The following TRMO variants were observed in gnomAD, a reference collection of about 807,000 sequenced individuals.
TRMO encodes the protein tRNA methyltransferase O, also known as tRNA (adenine(37)-N6)-methyltransferase.
Under a neutral mutation model 37.2 loss-of-function variants are expected in TRMO, and 30 were observed. The ratio of observed to expected loss-of-function variants is 0.81; its 90% confidence interval spans 0.60 to 1.09. The LOEUF (loss-of-function observed/expected upper bound fraction) is 1.09, where lower values mean the gene tolerates loss of function less well. Among genes scored for constraint, TRMO ranks in the 50% least tolerant of loss-of-function variants. The pLI, the probability that TRMO is intolerant of heterozygous loss-of-function variation, is 0.00. For synonymous variants in TRMO, 239 were observed against 199.4 expected, an observed-to-expected ratio of 1.20 and a Z score of -1.67; for missense variants, 552 against 549.5, an observed-to-expected ratio of 1.00 and a Z score of -0.05.
downstream of TRMO, among the ~76,000 whole-genome samples, chr9:97,899,820 G>C (rs1831127177): frequency 6.6e-6 from 1 of 152,102 alleles, no homozygotes; most frequent in Admixed American, 6.6e-5. Context: ...TTTGAGCCCA[G>C]GGGCAGAAGT....
At chr9:97,896,873 T>TC in the TRMO span, among the ~76,000 whole-genome samples, 7 of 152,364 alleles carry the variant, frequency 4.6e-5, no homozygotes, top group East Asian at 1.3e-3. Context: ...CTAGACATTT[T>TC]ACTTTCCTCA....
At chr9:97,920,425 G>C (rs532520722) in intron 1 of TRMO, among the ~76,000 whole-genome samples, 12 of 152,194 alleles carry the variant, frequency 7.9e-5, no homozygotes, top group Non-Finnish European at 1.5e-4. Flanking sequence ...CACTACACTA[G>C]CTGTGTGACC....
At chr9:97,921,484 C>T (rs903943034) in intron 1 of TRMO, among the ~76,000 whole-genome samples, 2 of 148,538 alleles carry the variant, frequency 1.3e-5, no homozygotes, top group Non-Finnish European at 3.0e-5. Flanking sequence ...AGTGCAGTGG[C>T]GCGATCTCGG....
At chr9:97,921,737 T>C (rs1430800720) in intron 1 of TRMO, among the ~76,000 whole-genome samples, 3 of 152,182 alleles carry the variant, frequency 2.0e-5, no homozygotes, top group Non-Finnish European at 4.4e-5. Flanking sequence ...AGTGTTATAA[T>C]TAACATTAAC....
intron 1 of TRMO, among the ~76,000 whole-genome samples, chr9:97,917,331 T>A (rs1436076226): frequency 6.6e-6 from 1 of 152,176 alleles, no homozygotes; most frequent in Non-Finnish European, 1.5e-5. Context: ...AGTGCTAAAA[T>A]ATCTAGAGGC....
Position 97,904,736 on chromosome 9 carries a change from A to C in TRMO, c.1323T>G (p.Ser441=). The change falls in exon 5 of 5, where the codon TCT becomes TCG. Residue 441 remains serine, a synonymous_variant. Coordinates refer to ENST00000375119, the MANE Select transcript of TRMO (RefSeq NM_016481.5). The part of the protein sequence containing the change: ...GPVGSLVSLG[S] ...TTAAAGACATGAGGGAGGCTCCTTA[A>C]GACCCTAGAGACACCAAGGACCCCA... is the stretch of plus-strand genomic sequence containing the variant. 1 of 1,613,780 alleles carries C rather than the reference A, an allele frequency of 6.2e-7. No individual in the cohort carries two copies. Among genetic ancestry groups the C allele is most frequent in the Admixed American group, 1.7e-5 (1 of 59,886 alleles).
intron 4 of TRMO, among the ~76,000 whole-genome samples, chr9:97,907,743 C>G (rs1314953582): frequency 6.6e-6 from 1 of 152,106 alleles, no homozygotes; most frequent in Non-Finnish European, 1.5e-5. Flanking sequence ...CCTATAAAAC[C>G]CTTAGGTGAC....
In TRMO at chr9:97,913,456, G is replaced by C. The variant is rs1826219979; in HGVS notation, c.354C>G (p.Ser118Arg). ...GTCCTATTGCATTGGGACGATGAGGGCTCCTTGTGGAAAAAACTCCAGTCT... is the reference window on the plus strand; with the variant it reads ...GTCCTATTGCATTGGGACGATGAGGCCTCCTTGTGGAAAAAACTCCAGTCT... ...GAKTGVFSTR[S>R]PHRPNAIGLT... The change falls in exon 3 of 5, where the codon AGC (serine) becomes AGG (arginine). Residue 118 changes from serine to arginine, a missense_variant. Ser to Arg is a moderately radical substitution (Grantham distance 110). Transcript: ENST00000375119. The C allele has an allele frequency of 6.2e-7, 1 of 1,613,886 alleles. No homozygotes were observed. The highest frequency in any genetic ancestry group is 8.5e-7 in the Non-Finnish European group (1 of 1,179,878).
the TRMO span, among the ~76,000 whole-genome samples, chr9:97,899,384 A>G: frequency 6.6e-6 from 1 of 152,170 alleles, no homozygotes; most frequent in South Asian, 2.1e-4. Context: ...CCCTTAGCAA[A>G]ACATCATATT....
chr9:97,914,134 T>C (rs995027078), intron 2 of TRMO: 1 of 152,526 alleles, frequency 6.6e-6, no homozygotes, highest in African/African-American at 2.4e-5. Flanking sequence ...AGAAAACGTT[T>C]GCTACATACA....
At chr9:97,915,293 C>A (rs1055361158) in intron 2 of TRMO, among the ~76,000 whole-genome samples, 10 of 152,226 alleles carry the variant, frequency 6.6e-5, no homozygotes, top group African/African-American at 2.2e-4. Flanking sequence ...CTACATGAGT[C>A]TAGAGCAGGA....
chr9:97,913,003 G>A, intron 3 of TRMO: 4 of 1,051,968 alleles, frequency 3.8e-6, no homozygotes, highest in Non-Finnish European at 5.3e-6. Flanking sequence ...TATACCACCA[G>A]TCTATGTGTT....
rs759076626 is a variant in TRMO, at chr9:97,904,690, C to T, written c.*43G>A. ...TGTTCAGAAAATCCAAAAGCCACAT[C>T]CAAAGATCAATGATGCTACCTTAAA... On this transcript the variant is annotated 3_prime_UTR_variant, in exon 5 of 5. Transcript: ENST00000375119. The T allele has an allele frequency of 6.3e-7, 1 of 1,596,180 alleles. No homozygotes were observed. Among genetic ancestry groups the T allele is most frequent in the Admixed American group, 1.7e-5 (1 of 57,604 alleles).
In TRMO at chr9:97,910,211, C is replaced by T. The variant is rs766650376; in HGVS notation, c.815G>A (p.Gly272Asp). Reference sequence around the variant, plus strand: ...AAAGCTCTTCTCTGGGCAATATGGGCCAATTTGTTCTTCTGCCACGCTGGA... The same window carrying T: ...AAAGCTCTTCTCTGGGCAATATGGGTCAATTTGTTCTTCTGCCACGCTGGA... ...QSSSVAEEQI[G>D]PYCPEKSFSE... The change falls in exon 4 of 5, where the codon GGC (glycine) becomes GAC (aspartate). Residue 272 changes from glycine to aspartate, a missense_variant. Physicochemically the swap from Gly to Asp is moderately conservative, Grantham distance 94. Coordinates refer to ENST00000375119, the MANE Select transcript of TRMO (RefSeq NM_016481.5). The T allele has an allele frequency of 4.3e-6, 7 of 1,614,102 alleles. No homozygotes were observed. Among genetic ancestry groups the T allele is most frequent in the Non-Finnish European group, 5.9e-6 (7 of 1,180,048 alleles).
At chr9:97,921,468 G>T (rs1826628769) in intron 1 of TRMO, among the ~76,000 whole-genome samples, 1 of 148,540 alleles carries the variant, frequency 6.7e-6, no homozygotes. Flanking sequence ...CTGTCGCCCA[G>T]GCCGGAGTGC....
chr9:97,909,551 C>T (rs1421005086), intron 4 of TRMO, among the ~76,000 whole-genome samples: 1 of 152,146 alleles, frequency 6.6e-6, no homozygotes. Flanking sequence ...GACTACCTGA[C>T]AGTCAGAATA....
At chr9:97,913,056 G>C (rs973353370) in intron 3 of TRMO, 1 of 606,220 alleles carries the variant, frequency 1.6e-6, no homozygotes, top group African/African-American at 1.9e-5. Flanking sequence ...TGTTAAATTG[G>C]AAAGTGTCCA....
chr9:97,908,197 G>C (rs2131519027), intron 4 of TRMO, among the ~76,000 whole-genome samples: 1 of 152,248 alleles, frequency 6.6e-6, no homozygotes, highest in Non-Finnish European at 1.5e-5. Flanking sequence ...GGAATCACAA[G>C]GTCAGGAGAT....
chr9:97,910,562 T>C lies in TRMO; in HGVS notation c.464A>G (p.Asp155Gly), dbSNP rs778934572. 4.2e-5 allele frequency: 68 copies of C among 1,614,006 alleles called. No homozygotes were observed. The Admixed American group carries it at 1.1e-3, about 27-fold the overall frequency. The change falls in exon 4 of 5, where the codon GAC becomes GGC. Residue 155 changes from aspartate to glycine, a missense_variant. By Grantham distance (94) the Asp-to-Gly change is moderately conservative (BLOSUM62 -1). Coordinates refer to ENST00000375119, the MANE Select transcript of TRMO (RefSeq NM_016481.5). ...IDMIHGTPVLDIKPYIAEYDS... is the reference protein window; with the variant it reads ...IDMIHGTPVLGIKPYIAEYDS... ...ATACTCAGCTATGTAGGGCTTGATG[T>C]CTAGTACGGGTGTGCCATGTATCAT...
Sources: gnomAD v4.1 joint callset for allele counts (sites outside exome capture counted in the v4.1 genomes callset) on GRCh38, gnomAD v4.1.1 for gene constraint, MANE v1.5 for transcripts, NCBI Gene and HGNC (gene_info 2026-07-23, HGNC 2026-07-21) for gene names.